The following ZBTB7C variants were observed in gnomAD, a reference collection of about 807,000 sequenced individuals.
ZBTB7C encodes zinc finger and BTB domain containing 7C.
In ZBTB7C, 8 loss-of-function variants were observed where a neutral mutation model predicts 25.7. That is an observed-to-expected ratio of 0.31 (90% CI 0.18 to 0.56). The LOEUF is 0.56. ZBTB7C is among the 20% of genes least tolerant of loss of function. The pLI is 0.91. For synonymous variants in ZBTB7C, 394 were observed against 369.0 expected, an observed-to-expected ratio of 1.07 and a Z score of -0.78; for missense variants, 824 against 855.2, an observed-to-expected ratio of 0.96 and a Z score of 0.46.
intron 2 of ZBTB7C, among the ~76,000 whole-genome samples, chr18:48,309,271 G>C (rs2045754774): frequency 6.6e-6 from 1 of 152,176 alleles, no homozygotes; most frequent in Non-Finnish European, 1.5e-5. Context: ...TGAAATAGGA[G>C]GGCTGGGTGT....
chr18:48,293,278 A>G (rs575144350), intron 2 of ZBTB7C, among the ~76,000 whole-genome samples: 3 of 152,318 alleles, frequency 2.0e-5, no homozygotes, highest in Non-Finnish European at 4.4e-5. Flanking sequence ...GCATGCACAC[A>G]AAGAGATGTC....
chr18:48,140,510 G>T (rs559903615), intron 3 of ZBTB7C, among the ~76,000 whole-genome samples: 1 of 151,770 alleles, frequency 6.6e-6, no homozygotes, highest in Non-Finnish European at 1.5e-5. Flanking sequence ...GTGACTCAAG[G>T]CAACCTGGGG....
intron 2 of ZBTB7C, among the ~76,000 whole-genome samples, chr18:48,320,466 A>G (rs1238150986): frequency 6.6e-6 from 1 of 152,178 alleles, no homozygotes; most frequent in Non-Finnish European, 1.5e-5. Context: ...CTGGGGGCAG[A>G]GGCTGGGAGG....
chr18:48,151,561 C>T (rs539623107), intron 3 of ZBTB7C, among the ~76,000 whole-genome samples: 2 of 152,240 alleles, frequency 1.3e-5, no homozygotes, highest in East Asian at 1.9e-4. Context: ...ATTGTCGAAG[C>T]GACCTGTGAC....
At position 48,077,705 on chromosome 18, in the gene ZBTB7C, G is replaced by C. The variant is rs371255921; in HGVS notation, c.-16-36582C>G. On this transcript the variant is annotated intron_variant, in intron 3 of 4. Transcript: ENST00000590800. The stretch of plus-strand genomic sequence containing the variant: ...AAAGGTGTAAGCACTGAATGTAGTG[G>C]TGGCAACATTTGATGAGCACCTGGG... 1.1e-3 allele frequency among the ~76,000 whole-genome samples: 166 copies of C among 152,340 alleles called. 4 individuals are homozygous for C. The South Asian group carries it at 0.033, about 31-fold the overall frequency.
At chr18:48,177,140 A>C (rs1282530124) in intron 3 of ZBTB7C, among the ~76,000 whole-genome samples, 1 of 152,254 alleles carries the variant, frequency 6.6e-6, no homozygotes, top group African/African-American at 2.4e-5. Flanking sequence ...TACATTTCCA[A>C]GAGCCATTTC....
intron 2 of ZBTB7C, among the ~76,000 whole-genome samples, chr18:48,270,418 G>A (rs2044446103): frequency 6.6e-6 from 1 of 151,140 alleles, no homozygotes; most frequent in South Asian, 2.1e-4. Flanking sequence ...TTTTATGGCT[G>A]GACGCAGTGG....
chr18:48,230,615 T>C (rs888386029), intron 2 of ZBTB7C, among the ~76,000 whole-genome samples: 6 of 152,032 alleles, frequency 3.9e-5, no homozygotes, highest in African/African-American at 1.4e-4. Context: ...TGGAAGGGGA[T>C]GGACATAGGA....
chr18:48,108,594 C>A (rs541488158), intron 3 of ZBTB7C, among the ~76,000 whole-genome samples: 20 of 152,202 alleles, frequency 1.3e-4, no homozygotes, highest in Admixed American at 1.0e-3. Context: ...CCATTATGCC[C>A]AGCTAATTTT....
intron 3 of ZBTB7C, among the ~76,000 whole-genome samples, chr18:48,164,798 C>T (rs1228118439): frequency 3.3e-5 from 5 of 152,116 alleles, no homozygotes; most frequent in Non-Finnish European, 2.9e-5. Context: ...AGACATTAAG[C>T]ACCTACTGTA....
chr18:48,397,938 T>C (rs1434233086), intron 1 of ZBTB7C, among the ~76,000 whole-genome samples: 1 of 152,180 alleles, frequency 6.6e-6, no homozygotes, highest in South Asian at 2.1e-4. Context: ...CTTCCCTACC[T>C]GCACACACAC....
Position 48,215,326 on chromosome 18 carries a change from C to T in ZBTB7C, c.-78-29331G>A, listed in dbSNP as rs557066271. On this transcript the variant is annotated intron_variant, in intron 2 of 4. Coordinates refer to ENST00000590800, the MANE Select transcript of ZBTB7C (RefSeq NM_001318841.2). Reference sequence around the variant, plus strand: ...AATATTCAAAAATATTTATTCTGAGCCAAATGGGAAGACACAGCCCATGAC... The same window carrying T: ...AATATTCAAAAATATTTATTCTGAGTCAAATGGGAAGACACAGCCCATGAC... Among the ~76,000 whole-genome samples the T allele has an allele frequency of 8.5e-5, 13 of 152,268 alleles. No individual in the cohort carries two copies. In the East Asian group the frequency reaches 2.5e-3, roughly 29 times the overall value.
chr18:48,255,465 G>C (rs2043993793), intron 2 of ZBTB7C, among the ~76,000 whole-genome samples: 1 of 152,140 alleles, frequency 6.6e-6, no homozygotes, highest in Non-Finnish European at 1.5e-5. Context: ...CCAAAATGGA[G>C]TGTAACTCAC....
chr18:48,203,379 G>A (rs532925397), intron 2 of ZBTB7C: 1 of 152,380 alleles, frequency 6.6e-6, no homozygotes, highest in East Asian at 1.9e-4. Flanking sequence ...GCCGAAAGCT[G>A]GCAGGCTCCG....
Position 48,029,339 on chromosome 18 carries a change from G to A in ZBTB7C, c.1781C>T (p.Pro594Leu), listed in dbSNP as rs2035625394. 5 of 1,542,922 alleles carry A rather than the reference G, an allele frequency of 3.2e-6. No individual in the cohort carries two copies. The highest frequency in any genetic ancestry group is 4.3e-6 in the Non-Finnish European group (5 of 1,149,514). The change falls in exon 5 of 5, where the codon CCT becomes CTT. Residue 594 changes from proline (P) to leucine (L), a missense_variant. Transcript: ENST00000590800. ...GAGGCCGGCCAGGCCGGCGGCCCAAGGGTCGGGCAGCGGGAAGTAGGGCCG... is the reference window on the plus strand; with the variant it reads ...GAGGCCGGCCAGGCCGGCGGCCCAAAGGTCGGGCAGCGGGAAGTAGGGCCG... ...AARPYFPLPD[P>L]WAAGLAGLPG... is the part of the protein sequence containing the mutation.
chr18:48,398,934 T>C (rs1204036629), intron 1 of ZBTB7C, among the ~76,000 whole-genome samples: 2 of 152,248 alleles, frequency 1.3e-5, no homozygotes, highest in Non-Finnish European at 2.9e-5. Context: ...TATTCTTAGA[T>C]TGCTATAAAT....
rs904326558 is a variant in ZBTB7C, at chr18:48,084,146, C to T, written c.-16-43023G>A. ...TGTTGAGGAAGGAAGCAGTGGGGCACGTCTCCTAGCCCCGGAGCAACTAAG... is the reference window on the plus strand; with the variant it reads ...TGTTGAGGAAGGAAGCAGTGGGGCATGTCTCCTAGCCCCGGAGCAACTAAG... On this transcript the variant is annotated intron_variant, in intron 3 of 4. Transcript: ENST00000590800. Among the ~76,000 whole-genome samples the T allele has an allele frequency of 5.9e-5, 9 of 152,284 alleles. No homozygotes were observed. In the East Asian group the frequency reaches 7.8e-4, roughly 13 times the overall value.
intron 3 of ZBTB7C, among the ~76,000 whole-genome samples, chr18:48,173,858 G>C (rs990901060): frequency 1.3e-5 from 2 of 152,178 alleles, no homozygotes; most frequent in African/African-American, 4.8e-5. Context: ...GATGCCTCGT[G>C]TGAATGTCCA....
intron 1 of ZBTB7C, among the ~76,000 whole-genome samples, chr18:48,357,996 C>T (rs2047015230): frequency 6.6e-6 from 1 of 152,184 alleles, no homozygotes; most frequent in Admixed American, 6.5e-5. Context: ...GGCTTAGTGC[C>T]ATCCCCTTGG....
Sources: gnomAD v4.1 joint callset for allele counts (sites outside exome capture counted in the v4.1 genomes callset) on GRCh38, gnomAD v4.1.1 for gene constraint, MANE v1.5 for transcripts, NCBI Gene and HGNC (gene_info 2026-07-23, HGNC 2026-07-21) for gene names.